CFAP96: variants seen among roughly 807,000 people sequenced by gnomAD.
The protein encoded by CFAP96 is cilia-and flagella-associated protein 96.
chr4:185,446,372 TCTAA>T, the CFAP96 span, among the ~76,000 whole-genome samples: 1 of 152,206 alleles, frequency 6.6e-6, no homozygotes, highest in African/African-American at 2.4e-5. Context: ...TTTGGGGTGC[TCTAA>T]CTTAGATGGT....
the CFAP96 span, chr4:185,440,455 A>T: frequency 9.8e-6 from 8 of 816,000 alleles, no homozygotes; most frequent in African/African-American, 1.1e-4. Context: ...AATCATATTT[A>T]TATTAAAATG....
the CFAP96 span, among the ~76,000 whole-genome samples, chr4:185,443,320 G>GTATATATATATATATATATA: frequency 2.0e-4 from 11 of 55,986 alleles, 1 homozygote; most frequent in African/African-American, 5.1e-4. Context: ...TATTTTTTAT[G>GTATATATATATATATATATA]TATATATATA....
chr4:185,425,804 T>C, the CFAP96 span: 3 of 1,578,286 alleles, frequency 1.9e-6, no homozygotes, highest in East Asian at 4.7e-5. Flanking sequence ...TGAAGCCCGC[T>C]CGTGGCGGCT....
the CFAP96 span, among the ~76,000 whole-genome samples, chr4:185,416,643 G>C: frequency 1.2e-3 from 177 of 152,248 alleles, 2 homozygotes; most frequent in African/African-American, 4.1e-3. Flanking sequence ...ATAAAAGTGT[G>C]TGCCCATGGA....
chr4:185,432,883 A>G, the CFAP96 span, among the ~76,000 whole-genome samples: 4 of 150,860 alleles, frequency 2.7e-5, no homozygotes, highest in African/African-American at 9.7e-5. Context: ...ATGTGGAATT[A>G]GGATACATTT....
At chr4:185,440,723 A>G in the CFAP96 span, 1 of 1,225,158 alleles carries the variant, frequency 8.2e-7, no homozygotes, top group South Asian at 1.6e-5. Flanking sequence ...TAAAAAGGTA[A>G]GTTTACAATT....
the CFAP96 span, among the ~76,000 whole-genome samples, chr4:185,429,919 A>G: frequency 0.14 from 21,077 of 152,112 alleles, 2,300 homozygotes; most frequent in African/African-American, 0.3. Flanking sequence ...GACCCTCCCC[A>G]CTCAGCGTGC....
At chr4:185,408,865 C>G in the CFAP96 span, among the ~76,000 whole-genome samples, 1 of 152,172 alleles carries the variant, frequency 6.6e-6, no homozygotes, top group Non-Finnish European at 1.5e-5. Flanking sequence ...AGTCTACAAA[C>G]GGCCCACTCA....
chr4:185,422,486 A>G, the CFAP96 span: 10 of 1,607,766 alleles, frequency 6.2e-6, no homozygotes, highest in Non-Finnish European at 8.5e-6. Context: ...AAGACCTACC[A>G]TTAGGAGTAG....
the CFAP96 span, chr4:185,429,512 G>T: frequency 1.3e-6 from 2 of 1,502,656 alleles, no homozygotes; most frequent in African/African-American, 2.8e-5. Context: ...CAATTTAATC[G>T]TAAGTATATT....
At chr4:185,425,410 C>T in the CFAP96 span, among the ~76,000 whole-genome samples, 3 of 152,022 alleles carry the variant, frequency 2.0e-5, no homozygotes, top group Non-Finnish European at 4.4e-5. Context: ...TTTAGGAGAA[C>T]GCATAGGGTG....
the CFAP96 span, chr4:185,415,114 G>T: frequency 6.9e-7 from 1 of 1,441,158 alleles, no homozygotes; most frequent in Non-Finnish European, 9.4e-7. Flanking sequence ...ATGAATGATA[G>T]TCATTATTGT....
the CFAP96 span, among the ~76,000 whole-genome samples, chr4:185,447,776 A>AC: frequency 6.6e-6 from 1 of 152,042 alleles, no homozygotes; most frequent in Admixed American, 6.6e-5. Context: ...TAAAATAACC[A>AC]CCCCCCAAAC....
the CFAP96 span, chr4:185,432,290 G>C: frequency 1.0e-6 from 1 of 992,294 alleles, no homozygotes; most frequent in Admixed American, 2.8e-5. Flanking sequence ...ACTTACTTAT[G>C]TAAGATGAAT....
chr4:185,415,775 A>T, the CFAP96 span: 1 of 1,613,830 alleles, frequency 6.2e-7, no homozygotes, highest in Non-Finnish European at 8.5e-7. Flanking sequence ...TATTAACATA[A>T]TGGTGTCCTC....
At chr4:185,409,327 A>G in the CFAP96 span, among the ~76,000 whole-genome samples, 1 of 152,170 alleles carries the variant, frequency 6.6e-6, no homozygotes, top group Admixed American at 6.6e-5. Flanking sequence ...CTAAGAATGT[A>G]TATGTCTTTT....
the CFAP96 span, chr4:185,418,741 C>T: frequency 9.4e-6 from 15 of 1,602,400 alleles, 2 homozygotes; most frequent in Admixed American, 1.8e-5. Context: ...TCACTCAACA[C>T]ATGTTTCAGT....
chr4:185,447,225 A>G, the CFAP96 span, among the ~76,000 whole-genome samples: 94 of 150,674 alleles, frequency 6.2e-4, no homozygotes, highest in Admixed American at 1.4e-3. Context: ...TCTGTCGCCC[A>G]GGCTGGAATG....
At chr4:185,410,594 G>A in the CFAP96 span, among the ~76,000 whole-genome samples, 3 of 151,988 alleles carry the variant, frequency 2.0e-5, no homozygotes, top group Non-Finnish European at 2.9e-5. Context: ...GTTGCAGTGA[G>A]CTGAGATCAT....
Sources: allele counts gnomAD v4.1 joint callset (sites outside exome capture counted in the v4.1 genomes callset), GRCh38; gene constraint gnomAD v4.1.1; transcripts MANE v1.5; gene names NCBI Gene and HGNC (gene_info 2026-07-23, HGNC 2026-07-21).